The following COG5 variants were observed in gnomAD, a reference collection of about 807,000 sequenced individuals.
COG5 encodes the protein conserved oligomeric Golgi complex subunit 5.
In COG5, 86 loss-of-function variants were observed where a neutral mutation model predicts 110.4. The observed-to-expected ratio is 0.78, with a 90% CI of 0.65 to 0.93. COG5 has a LOEUF of 0.93. COG5 is among the 40% of genes least tolerant of loss of function. The pLI, the probability that COG5 is intolerant of heterozygous loss-of-function variation, is 0.00. For missense variants in COG5, 1,077 were observed against 987.0 expected (o/e 1.09, Z -1.22); for synonymous variants, 360 against 334.6 (o/e 1.08, Z -0.83).
chr7:107,444,773 G>A (rs1334670737), intron 6 of COG5, among the ~76,000 whole-genome samples: 2 of 152,082 alleles, frequency 1.3e-5, no homozygotes, highest in Non-Finnish European at 2.9e-5. Flanking sequence ...AATTGAAGTT[G>A]AGTAACACAA....
intron 6 of COG5, among the ~76,000 whole-genome samples, chr7:107,477,801 T>C (rs1797079575): frequency 6.6e-6 from 1 of 151,910 alleles, no homozygotes; most frequent in African/African-American, 2.4e-5. Flanking sequence ...ATGAGAAGCT[T>C]AGACAACTTT....
rs962980329 is a variant in COG5, at chr7:107,258,326, T to C, written c.1633A>G (p.Arg545Gly). ...AATGAATTCACTACTGCCACATTTC[T>C]TCTCTGTCCTTCAGTAAGAGGCCCA... is the stretch of plus-strand genomic sequence containing the variant. ...VIGPLTEGQR[R>G]NVAVVNSLYK... is the part of the protein sequence containing the mutation. The change falls in exon 15 of 22, where the codon AGA (arginine) becomes GGA (glycine). Residue 545 changes from arginine (R) to glycine (G), a missense_variant. Coordinates refer to ENST00000297135, the MANE Select transcript of COG5 (RefSeq NM_006348.5). 2.5e-6 allele frequency: 4 copies of C among 1,613,346 alleles called. No homozygotes were observed. Among genetic ancestry groups the C allele is most frequent in the Non-Finnish European group, 3.4e-6 (4 of 1,179,474 alleles).
intron 6 of COG5, among the ~76,000 whole-genome samples, chr7:107,476,755 A>C (rs1453181396): frequency 6.6e-6 from 1 of 151,730 alleles, no homozygotes; most frequent in Admixed American, 6.6e-5. Flanking sequence ...CTATTTTCTG[A>C]AACTGTATCC....
intron 6 of COG5, among the ~76,000 whole-genome samples, chr7:107,508,261 C>T (rs982058652): frequency 6.6e-6 from 1 of 152,216 alleles, no homozygotes; most frequent in Non-Finnish European, 1.5e-5. Flanking sequence ...GGGTCCTATG[C>T]CCACAGAGTC....
intron 7 of COG5, among the ~76,000 whole-genome samples, chr7:107,391,587 T>C (rs1406030316): frequency 6.6e-6 from 1 of 152,166 alleles, no homozygotes; most frequent in African/African-American, 2.4e-5. Context: ...TCCCCCTATG[T>C]TTTCTTCTAA....
At chr7:107,519,261 A>T (rs1011185112) in intron 6 of COG5, among the ~76,000 whole-genome samples, 3 of 152,186 alleles carry the variant, frequency 2.0e-5, no homozygotes, top group Non-Finnish European at 2.9e-5. Context: ...AAAAGCAAAC[A>T]AACCCAAAAG....
chr7:107,538,243 G>A (rs185152197), intron 5 of COG5, among the ~76,000 whole-genome samples: 1 of 152,248 alleles, frequency 6.6e-6, no homozygotes, highest in Non-Finnish European at 1.5e-5. Flanking sequence ...AGGGCAGGGC[G>A]GCCAGCTTTT....
chr7:107,336,069 G>C (rs555806305), intron 10 of COG5, among the ~76,000 whole-genome samples: 1 of 152,050 alleles, frequency 6.6e-6, no homozygotes, highest in Non-Finnish European at 1.5e-5. Flanking sequence ...TCATCCAAAA[G>C]AAAGAAATAA....
chr7:107,503,794 C>T (rs1798791397), intron 6 of COG5, among the ~76,000 whole-genome samples: 1 of 152,064 alleles, frequency 6.6e-6, no homozygotes, highest in Non-Finnish European at 1.5e-5. Flanking sequence ...TGATTCTCAG[C>T]TTGGTGGTTG....
At chr7:107,346,844 C>T (rs1811656600) in intron 10 of COG5, among the ~76,000 whole-genome samples, 1 of 151,880 alleles carries the variant, frequency 6.6e-6, no homozygotes, top group Admixed American at 6.6e-5. Flanking sequence ...TAATGCTATC[C>T]CTCCCCACTC....
chr7:107,539,910 A>C (rs1801854710), intron 5 of COG5, among the ~76,000 whole-genome samples: 1 of 152,214 alleles, frequency 6.6e-6, no homozygotes, highest in Non-Finnish European at 1.5e-5. Flanking sequence ...CTTTGAGAGA[A>C]ACAAGAAAAT....
chr7:107,294,711 TTC>T (rs1806456438), intron 12 of COG5, among the ~76,000 whole-genome samples: 1 of 128,742 alleles, frequency 7.8e-6, no homozygotes. Context: ...TTAATTTTCT[TTC>T]TTTTTTTTTT....
At chr7:107,260,830 A>T (rs1803275942) in intron 14 of COG5, among the ~76,000 whole-genome samples, 1 of 152,216 alleles carries the variant, frequency 6.6e-6, no homozygotes, top group Non-Finnish European at 1.5e-5. Flanking sequence ...CTGGAGATGT[A>T]AATAATCTGC....
chr7:107,335,783 T>C (rs1442331498), intron 10 of COG5, among the ~76,000 whole-genome samples: 1 of 152,122 alleles, frequency 6.6e-6, no homozygotes, highest in Non-Finnish European at 1.5e-5. Context: ...CAAAAAGATA[T>C]TCTATGCAAC....
At chr7:107,561,566 G>T (rs542050391) in intron 1 of COG5, among the ~76,000 whole-genome samples, 1 of 152,362 alleles carries the variant, frequency 6.6e-6, no homozygotes, top group East Asian at 1.9e-4. Flanking sequence ...GTATGTGCAA[G>T]AAAGTCATTG....
intron 5 of COG5, among the ~76,000 whole-genome samples, chr7:107,537,382 A>G (rs1460690915): frequency 6.6e-6 from 1 of 152,230 alleles, no homozygotes; most frequent in Non-Finnish European, 1.5e-5. Flanking sequence ...AATGTGGCAC[A>G]TATACACCAC....
intron 6 of COG5, among the ~76,000 whole-genome samples, chr7:107,464,411 CTTCA>C (rs1796178707): frequency 6.6e-6 from 1 of 152,134 alleles, no homozygotes; most frequent in South Asian, 2.1e-4. Context: ...ATTTGAGAAG[CTTCA>C]TTCATTTCCA....
At chr7:107,429,421 C>A (rs1359844332) in intron 6 of COG5, among the ~76,000 whole-genome samples, 1 of 150,540 alleles carries the variant, frequency 6.6e-6, no homozygotes, top group Non-Finnish European at 1.5e-5. Flanking sequence ...ATTTGCACAT[C>A]TTCTCTGGAG....
At chr7:107,203,992 CGAG>C (rs989075929) in intron 21 of COG5, among the ~76,000 whole-genome samples, 6 of 152,264 alleles carry the variant, frequency 3.9e-5, no homozygotes, top group Admixed American at 2.6e-4. Flanking sequence ...CCAGAGCTCA[CGAG>C]GGGCATCCTG....
Sources: gnomAD v4.1 joint callset for allele counts (sites outside exome capture counted in the v4.1 genomes callset) on GRCh38, gnomAD v4.1.1 for gene constraint, MANE v1.5 for transcripts, NCBI Gene and HGNC (gene_info 2026-07-23, HGNC 2026-07-21) for gene names.